Variants in SFMBT2 observed in about 807,000 individuals in gnomAD.
SFMBT2 encodes the protein Scm like with four mbt domains 2, also known as scm-like with four MBT domains protein 2.
In SFMBT2, 38 loss-of-function variants were observed where a neutral mutation model predicts 110.1. The observed-to-expected ratio is 0.35, with a 90% CI of 0.27 to 0.45. The LOEUF (loss-of-function observed/expected upper bound fraction) is 0.45. SFMBT2 is among the 20% of genes least tolerant of loss of function. SFMBT2 has a pLI of 1.00. For missense variants in SFMBT2, 1,011 were observed against 1,094.9 expected (o/e 0.92, Z 1.08); for synonymous variants, 425 against 425.4 (o/e 1.00, Z 0.01).
At chr10:7,225,973 T>C (rs1023629343) in intron 10 of SFMBT2, among the ~76,000 whole-genome samples, 1 of 152,126 alleles carries the variant, frequency 6.6e-6, no homozygotes, top group Admixed American at 6.5e-5. Context: ...ATCAAAGCTT[T>C]CAGAGTTAAC....
At chr10:7,317,460 G>A (rs115799218) in intron 4 of SFMBT2, among the ~76,000 whole-genome samples, 2,078 of 152,062 alleles carry the variant, frequency 0.014, 42 homozygotes, top group African/African-American at 0.046. Context: ...CGACTAACAT[G>A]GAGAAACCCC....
chr10:7,176,633 T>C, intron 16 of SFMBT2: 4 of 372,926 alleles, frequency 1.1e-5, no homozygotes, highest in Non-Finnish European at 1.1e-5. Flanking sequence ...GTCAAGACTG[T>C]GTATCATATT....
chr10:7,373,091 G>A (rs1845104347), intron 2 of SFMBT2, among the ~76,000 whole-genome samples: 1 of 152,218 alleles, frequency 6.6e-6, no homozygotes, highest in Non-Finnish European at 1.5e-5. Flanking sequence ...CTGAGGTCTA[G>A]CAGGGGCTAT....
intron 4 of SFMBT2, among the ~76,000 whole-genome samples, chr10:7,349,187 A>G (rs1401647308): frequency 6.6e-6 from 1 of 152,216 alleles, no homozygotes; most frequent in African/African-American, 2.4e-5. Flanking sequence ...AAAATGATCT[A>G]AAACAAAATG....
rs181481693 is a variant in SFMBT2 at position 7,187,301 on chromosome 10, T to C, written c.1808+1323A>G. Among the ~76,000 whole-genome samples, 432 of 152,358 alleles carry C rather than the reference T, an allele frequency of 2.8e-3. 3 individuals are homozygous for C. Among genetic ancestry groups the C allele is most frequent in the African/African-American group, 1.0e-2 (415 of 41,584 alleles). On this transcript the variant is annotated intron_variant, in intron 16 of 20. Transcript: ENST00000397167. ...ATTATAAACACTTGCTTATGTTTTC[T>C]GCCCCCACTACTACTACAAACTTAT... is the stretch of plus-strand genomic sequence containing the variant.
chr10:7,221,388 G>C (rs893527975), intron 10 of SFMBT2, among the ~76,000 whole-genome samples: 2 of 151,836 alleles, frequency 1.3e-5, no homozygotes, highest in African/African-American at 4.8e-5. Flanking sequence ...CTAACATGAT[G>C]AAACTCCAAC....
intron 12 of SFMBT2, chr10:7,203,361 G>A (rs1189179011): frequency 6.1e-6 from 1 of 163,376 alleles, no homozygotes; most frequent in African/African-American, 2.4e-5. Flanking sequence ...CCAGACTTAG[G>A]ATCTCTCAGG....
At chr10:7,402,975 G>A (rs893577242) in intron 1 of SFMBT2, among the ~76,000 whole-genome samples, 3 of 152,064 alleles carry the variant, frequency 2.0e-5, no homozygotes, top group African/African-American at 7.2e-5. Flanking sequence ...TACATTCAGG[G>A]GGAGAAAACT....
At chr10:7,251,225 C>A (rs149131619) in intron 7 of SFMBT2, among the ~76,000 whole-genome samples, 92 of 151,958 alleles carry the variant, frequency 6.1e-4, no homozygotes, top group African/African-American at 1.7e-3. Context: ...CCTGTAATCC[C>A]AGCACTTTGG....
intron 4 of SFMBT2, among the ~76,000 whole-genome samples, chr10:7,346,589 A>AG (rs1844118825): frequency 6.6e-6 from 1 of 152,108 alleles, no homozygotes; most frequent in African/African-American, 2.4e-5. Flanking sequence ...TCCCAAATGA[A>AG]GGAAAAAAAA....
chr10:7,177,868 A>AG (rs1554781754), intron 16 of SFMBT2, among the ~76,000 whole-genome samples: 6 of 151,124 alleles, frequency 4.0e-5, no homozygotes, highest in East Asian at 1.9e-4. Context: ...TTAAAAAAAA[A>AG]AAGAAGAAGA....
At chr10:7,347,812 T>G (rs1167358536) in intron 4 of SFMBT2, among the ~76,000 whole-genome samples, 1 of 152,166 alleles carries the variant, frequency 6.6e-6, no homozygotes, top group Non-Finnish European at 1.5e-5. Context: ...TGACACTTAT[T>G]TGCTGGTTAG....
At chr10:7,254,274 G>T (rs1404019641) in intron 7 of SFMBT2, among the ~76,000 whole-genome samples, 1 of 152,072 alleles carries the variant, frequency 6.6e-6, no homozygotes, top group Non-Finnish European at 1.5e-5. Flanking sequence ...GCACTGATCA[G>T]AAACCACTGA....
In SFMBT2 at chr10:7,380,448, A is replaced by G. The variant is rs149838514; in HGVS notation, c.100+1351T>C. Among the ~76,000 whole-genome samples, 747 of 152,366 alleles carry G rather than the reference A, an allele frequency of 4.9e-3. 10 individuals are homozygous for G. The highest frequency in any genetic ancestry group is 0.017 in the African/African-American group (716 of 41,596). On this transcript the variant is annotated intron_variant, in intron 2 of 20. Transcript: ENST00000397167. ...TTCATAAACTTAATCTAATAAATTCAATGATATGGAGCAACCTGTAATCTG... is the reference window on the plus strand; with the variant it reads ...TTCATAAACTTAATCTAATAAATTCGATGATATGGAGCAACCTGTAATCTG...
At chr10:7,379,448 C>T (rs540742237) in intron 2 of SFMBT2, among the ~76,000 whole-genome samples, 18 of 151,920 alleles carry the variant, frequency 1.2e-4, no homozygotes, top group Non-Finnish European at 2.2e-4. Context: ...AAATAAGCTA[C>T]TTGTGGAATG....
chr10:7,243,172 C>T (rs1257914090), intron 9 of SFMBT2, among the ~76,000 whole-genome samples: 1 of 152,178 alleles, frequency 6.6e-6, no homozygotes, highest in Non-Finnish European at 1.5e-5. Flanking sequence ...GCTTAGCTCG[C>T]TGGAAATAAA....
intron 1 of SFMBT2, among the ~76,000 whole-genome samples, chr10:7,387,190 A>G (rs1270031351): frequency 1.3e-5 from 2 of 152,206 alleles, no homozygotes; most frequent in Non-Finnish European, 2.9e-5. Context: ...CTAGGCATGG[A>G]GCATTTTTCT....
intron 2 of SFMBT2, among the ~76,000 whole-genome samples, chr10:7,375,808 C>A (rs1845190020): frequency 7.0e-6 from 1 of 143,098 alleles, no homozygotes; most frequent in African/African-American, 2.6e-5. Context: ...CACAAATCAC[C>A]TAGCCAGGGG....
chr10:7,356,192 G>A (rs185893095), intron 4 of SFMBT2, among the ~76,000 whole-genome samples: 7 of 152,312 alleles, frequency 4.6e-5, no homozygotes, highest in Admixed American at 3.9e-4. Context: ...GGTTGTCTGT[G>A]CATGTGATTC....
Sources: allele counts gnomAD v4.1 joint callset (sites outside exome capture counted in the v4.1 genomes callset), GRCh38; gene constraint gnomAD v4.1.1; transcripts MANE v1.5; gene names NCBI Gene and HGNC (gene_info 2026-07-23, HGNC 2026-07-21).